Variants in ABCE1 observed in about 807,000 individuals in gnomAD.
ABCE1 encodes the protein ATP binding cassette subfamily E member 1.
ABCE1 carries 22 observed loss-of-function variants against 83.4 expected under a neutral mutation model. The observed-to-expected ratio is 0.26, with a 90% CI of 0.19 to 0.38. ABCE1 has a LOEUF of 0.38. ABCE1 is among the 10% of genes least tolerant of loss of function. The probability of loss-of-function intolerance (pLI) is 1.00; values close to 1 mark genes in which losing one functional copy is unlikely to be tolerated. For synonymous variants in ABCE1, 204 were observed against 233.7 expected, an observed-to-expected ratio of 0.87 and a Z score of 1.16; for missense variants, 330 against 721.9, an observed-to-expected ratio of 0.46 and a Z score of 6.22.
chr4:145,105,544 C>A, intron 2 of ABCE1, 61 bp from the exon 3 acceptor site: 2 of 1,236,210 alleles, frequency 1.6e-6, no homozygotes, highest in Non-Finnish European at 2.3e-6. Context: ...GCCTAAATAA[C>A]AGTGTTCGGA....
At chr4:145,118,881 C>T (rs867469788) in intron 10 of ABCE1, among the ~76,000 whole-genome samples, 1 of 151,736 alleles carries the variant, frequency 6.6e-6, no homozygotes, top group Non-Finnish European at 1.5e-5. Flanking sequence ...TAAAGACTGA[C>T]TTGCTGTGTT....
intron 10 of ABCE1, among the ~76,000 whole-genome samples, chr4:145,119,078 A>G (rs1164707820): frequency 6.6e-6 from 1 of 151,874 alleles, no homozygotes; most frequent in Non-Finnish European, 1.5e-5. Flanking sequence ...GATTTTGGCA[A>G]AATAAATGTA....
chr4:145,122,641 G>A (rs1335897194), intron 13 of ABCE1: 6 of 156,350 alleles, frequency 3.8e-5, no homozygotes, highest in Non-Finnish European at 5.6e-5. Context: ...AACAGATTCC[G>A]CCTCCACAAA....
chr4:145,107,162 T>G (rs1490688855), intron 3 of ABCE1, among the ~76,000 whole-genome samples: 1 of 152,132 alleles, frequency 6.6e-6, no homozygotes, highest in Non-Finnish European at 1.5e-5. Flanking sequence ...CCTATGTGTT[T>G]TATTTTGTTT....
chr4:145,112,181 A>C (rs1695800541), intron 8 of ABCE1, 58 bp from the exon 9 acceptor site: 1 of 1,239,622 alleles, frequency 8.1e-7, no homozygotes, highest in Non-Finnish European at 1.1e-6. Context: ...AATAGTATGT[A>C]AGGTAGAATG....
chr4:145,099,102 A>T (rs1279831968), intron 1 of ABCE1, among the ~76,000 whole-genome samples: 1 of 152,088 alleles, frequency 6.6e-6, no homozygotes. Context: ...CTTTTATTGT[A>T]TCTAATACTC....
intron 1 of ABCE1, among the ~76,000 whole-genome samples, chr4:145,104,119 T>C (rs1003510524): frequency 6.6e-6 from 1 of 152,156 alleles, no homozygotes; most frequent in Admixed American, 6.5e-5. Context: ...TTCCTAGATA[T>C]TTTCTTTTTG....
chr4:145,104,262 AT>A (rs4148237), intron 1 of ABCE1, 123 bp from the exon 2 acceptor site: 4,250 of 363,960 alleles, frequency 0.012, 34 homozygotes, highest in African/African-American at 0.043. Flanking sequence ...CAAAATTTAT[AT>A]TTTTTTTTTG....
rs779655752 is a variant in ABCE1 at position 145,129,498 on chromosome 4, G to A, written c.*1925G>A. On this transcript the variant is annotated 3_prime_UTR_variant, in exon 18 of 18. Coordinates refer to ENST00000296577, the MANE Select transcript of ABCE1 (RefSeq NM_002940.3). ...TTTTTGTGAAAATATACAAAATATT[G>A]AAATAAAGGAATACTCAAGAAACAG... Among the ~76,000 whole-genome samples the A allele has an allele frequency of 2.6e-5, 4 of 151,996 alleles. No homozygotes were observed. Among genetic ancestry groups the A allele is most frequent in the Non-Finnish European group, 5.9e-5 (4 of 67,972 alleles).
rs369435156 is a variant in ABCE1, at chr4:145,108,137, C to T, written c.287+25C>T. The T allele has an allele frequency of 9.7e-5, 155 of 1,592,684 alleles. No individual in the cohort carries two copies. The African/African-American group carries it at 1.9e-3, about 20-fold the overall frequency. Reference sequence around the variant, plus strand: ...GGTATATTTTCACATCAGGATTCCTCTTCTGTCAAGTTAAGAGTAAAATAC... The same window carrying T: ...GGTATATTTTCACATCAGGATTCCTTTTCTGTCAAGTTAAGAGTAAAATAC... On this transcript the variant is annotated intron_variant, in intron 4 of 17. Transcript: ENST00000296577.
intron 2 of ABCE1, among the ~76,000 whole-genome samples, chr4:145,105,081 G>A (rs1443431207): frequency 2.0e-5 from 3 of 151,994 alleles, no homozygotes; most frequent in Non-Finnish European, 2.9e-5. Context: ...CTGAAACTTA[G>A]AAACTTTAGT....
At chr4:145,124,754 C>G (rs546966764) in intron 16 of ABCE1, among the ~76,000 whole-genome samples, 1 of 152,072 alleles carries the variant, frequency 6.6e-6, no homozygotes, top group South Asian at 2.1e-4. Flanking sequence ...ATTAGAAATC[C>G]AGGTTAAATT....
rs569306759 is a variant in ABCE1, at chr4:145,125,595, G to A, written c.1752+494G>A. Among the ~76,000 whole-genome samples the A allele has an allele frequency of 2.6e-5, 4 of 152,278 alleles. No homozygotes were observed. In the South Asian group the frequency reaches 8.3e-4, roughly 32 times the overall value. On this transcript the variant is annotated intron_variant, in intron 17 of 17. Transcript: ENST00000296577. ...CAATTGTAATGTAGCTGTCATTGCT[G>A]TGTGAACTCAAGAGCTCTTCCTGTT...
rs758857981 is a variant in ABCE1 at position 145,121,157 on chromosome 4, A to G, written c.1145-17A>G. On this transcript the variant is annotated splice_polypyrimidine_tract_variant and intron_variant, in intron 11 of 17. Coordinates refer to ENST00000296577, the MANE Select transcript of ABCE1 (RefSeq NM_002940.3). ...CAAGCATCTTTCAGATCAAACTGTC[A>G]TATGTTGTGTTGCCAGGAACGGGTA... is the stretch of plus-strand genomic sequence containing the variant. 47 of 1,612,506 alleles carry G rather than the reference A, an allele frequency of 2.9e-5. No individual in the cohort carries two copies. In the African/African-American group the frequency reaches 3.7e-4, roughly 13 times the overall value.
intron 9 of ABCE1, among the ~76,000 whole-genome samples, chr4:145,115,860 G>C (rs1749595344): frequency 6.6e-6 from 1 of 151,852 alleles, no homozygotes; most frequent in Non-Finnish European, 1.5e-5. Flanking sequence ...AGTACACAGT[G>C]TAAGACTAAA....
intron 1 of ABCE1, among the ~76,000 whole-genome samples, chr4:145,098,928 C>T (rs1749000331): frequency 6.6e-6 from 1 of 152,232 alleles, no homozygotes; most frequent in Non-Finnish European, 1.5e-5. Context: ...CTGTCCACTC[C>T]CAGGCTTTAT....
intron 8 of ABCE1, among the ~76,000 whole-genome samples, chr4:145,111,590 G>A (rs760541051): frequency 1.3e-5 from 2 of 152,176 alleles, no homozygotes; most frequent in Non-Finnish European, 2.9e-5. Flanking sequence ...GCCTCCCAAA[G>A]TGCTGGGATT....
Position 145,121,129 on chromosome 4 carries a change from C to T in ABCE1, c.1145-45C>T, listed in dbSNP as rs775543828. 31 of 1,594,092 alleles carry T rather than the reference C, an allele frequency of 1.9e-5. No individual in the cohort carries two copies. The East Asian group carries it at 5.4e-4, about 28-fold the overall frequency. ...ATAGGACATAGTGATTTACTTTAAA[C>T]GTCAAGCATCTTTCAGATCAAACTG... On this transcript the variant is annotated intron_variant, in intron 11 of 17. Coordinates refer to ENST00000296577, the MANE Select transcript of ABCE1 (RefSeq NM_002940.3).
chr4:145,126,869 AGAAAT>A (rs2126717389), intron 17 of ABCE1, among the ~76,000 whole-genome samples: 1 of 152,206 alleles, frequency 6.6e-6, no homozygotes, highest in East Asian at 1.9e-4. Flanking sequence ...GCCAGGATAG[AGAAAT>A]GGTTAAGTTC....
Sources: gnomAD v4.1 joint callset for allele counts (sites outside exome capture counted in the v4.1 genomes callset) on GRCh38, gnomAD v4.1.1 for gene constraint, MANE v1.5 for transcripts, NCBI Gene and HGNC (gene_info 2026-07-23, HGNC 2026-07-21) for gene names.